Variants in PNPLA8 observed in about 807,000 individuals in gnomAD.
PNPLA8 encodes the protein calcium-independent phospholipase A2-gamma.
PNPLA8 carries 39 observed loss-of-function variants against 76.9 expected under a neutral mutation model. That is an observed-to-expected ratio of 0.51 (90% confidence interval 0.39 to 0.66). PNPLA8 has a LOEUF of 0.66. PNPLA8 is among the 30% of genes least tolerant of loss of function. PNPLA8 has a pLI of 0.00. For synonymous variants in PNPLA8, 301 were observed against 307.9 expected (o/e 0.98, Z 0.24); for missense variants, 887 against 918.0 (o/e 0.97, Z 0.44).
At chr7:108,497,398 G>A in intron 6 of PNPLA8, 85 bp downstream of exon 6, 1 of 902,374 alleles carries the variant, frequency 1.1e-6, no homozygotes, top group Non-Finnish European at 1.7e-6. Context: ...AGAAGGCAAA[G>A]GACTATGATC....
rs975005635 is a variant in PNPLA8 at position 108,510,294 on chromosome 7, G to A, written c.1206+3850C>T. 12 of 1,587,596 alleles carry A rather than the reference G, an allele frequency of 7.6e-6. No homozygotes were observed. The African/African-American group carries it at 8.0e-5, about 11-fold the overall frequency. ...GTGCCAGAAACCCTTAAGAAAAAGC[G>A]AAGGAATTTCTCAGAGCTGAAGATG... On this transcript the variant is annotated intron_variant, in intron 4 of 10. Transcript: ENST00000257694.
intron 1 of PNPLA8, among the ~76,000 whole-genome samples, chr7:108,525,616 G>A (rs78580637): frequency 6.6e-6 from 1 of 152,198 alleles, no homozygotes; most frequent in East Asian, 1.9e-4. Context: ...AGAATCACCA[G>A]GTGCACACTG....
intron 2 of PNPLA8, among the ~76,000 whole-genome samples, 192 bp from the exon 3 acceptor site, chr7:108,515,766 TAAAAAAA>T (rs1863295200): frequency 6.6e-6 from 1 of 152,052 alleles, no homozygotes; most frequent in African/African-American, 2.4e-5. Flanking sequence ...TAGAGGTAAA[TAAAAAAA>T]GAAAATGAGG....
At chr7:108,501,344 G>C (rs1861933742) in intron 5 of PNPLA8, among the ~76,000 whole-genome samples, 1 of 152,184 alleles carries the variant, frequency 6.6e-6, no homozygotes, top group Non-Finnish European at 1.5e-5. Flanking sequence ...ATTGCCAGTA[G>C]TAAAAATAGA....
At chr7:108,480,471 T>C (rs1860316147) in intron 9 of PNPLA8, among the ~76,000 whole-genome samples, 1 of 152,190 alleles carries the variant, frequency 6.6e-6, no homozygotes, top group African/African-American at 2.4e-5. Flanking sequence ...CTCCCATCCA[T>C]GCCAGTTAAC....
chr7:108,477,817 T>C (rs545787808), intron 10 of PNPLA8, among the ~76,000 whole-genome samples: 12 of 152,012 alleles, frequency 7.9e-5, no homozygotes, highest in Non-Finnish European at 1.5e-4. Context: ...TGAGCTATCA[T>C]TGTCACTGCG....
chr7:108,503,667 C>G (rs1332910650), intron 4 of PNPLA8, among the ~76,000 whole-genome samples: 2 of 152,152 alleles, frequency 1.3e-5, no homozygotes, highest in South Asian at 2.1e-4. Context: ...GCAACAAGAA[C>G]AGATGGAGCC....
At position 108,486,403 on chromosome 7, in the gene PNPLA8, A is replaced by G. The variant is rs80220571; in HGVS notation, c.1878+1356T>C. On this transcript the variant is annotated intron_variant, in intron 9 of 10. Transcript: ENST00000257694. The stretch of plus-strand genomic sequence containing the variant: ...AAAATAGTAAGCCACATATTAAAAT[A>G]AAAATTTTATTTTGACCAATAAGTC... 5.3e-3 allele frequency among the ~76,000 whole-genome samples: 809 copies of G among 152,276 alleles called. 6 individuals are homozygous for G. The highest frequency in any genetic ancestry group is 0.024 in the Admixed American group (370 of 15,302).
chr7:108,484,120 A>T (rs1860583331), intron 9 of PNPLA8, among the ~76,000 whole-genome samples: 2 of 152,204 alleles, frequency 1.3e-5, no homozygotes, highest in African/African-American at 4.8e-5. Flanking sequence ...ATAACTGCAA[A>T]ATCAATCCCA....
chr7:108,512,005 G>A (rs545781026), intron 4 of PNPLA8, among the ~76,000 whole-genome samples: 3 of 152,286 alleles, frequency 2.0e-5, no homozygotes, highest in African/African-American at 7.2e-5. Flanking sequence ...ATTGTGAGTA[G>A]AAGAAACCCG....
At chr7:108,500,231 T>G (rs1381125114) in intron 5 of PNPLA8, among the ~76,000 whole-genome samples, 1 of 152,212 alleles carries the variant, frequency 6.6e-6, no homozygotes, top group Non-Finnish European at 1.5e-5. Context: ...AGAGGATTCC[T>G]TCTGCTCCTT....
intron 4 of PNPLA8, among the ~76,000 whole-genome samples, chr7:108,503,094 C>T (rs527452633): frequency 1.3e-5 from 2 of 152,218 alleles, no homozygotes; most frequent in African/African-American, 2.4e-5. Flanking sequence ...AAGGTTGCCT[C>T]ATAAAAGAAT....
chr7:108,491,355 T>C (rs992828299), intron 8 of PNPLA8, 55 bp downstream of exon 8: 1 of 1,062,304 alleles, frequency 9.4e-7, no homozygotes, highest in Non-Finnish European at 1.5e-6. Flanking sequence ...GACAAGTGCT[T>C]TCACCAGACC....
At chr7:108,475,007 CATT>C (rs1198400795) in intron 10 of PNPLA8, among the ~76,000 whole-genome samples, 1 of 152,166 alleles carries the variant, frequency 6.6e-6, no homozygotes, top group East Asian at 1.9e-4. Flanking sequence ...CCATCGCTTG[CATT>C]ACTGCCTCAG....
chr7:108,509,049 G>A (rs999820517), intron 4 of PNPLA8, among the ~76,000 whole-genome samples: 2 of 117,240 alleles, frequency 1.7e-5, no homozygotes, highest in South Asian at 2.5e-4. Context: ...AGATTTAAAC[G>A]TTAGACCTAA....
chr7:108,526,568 C>T (rs1380569283), upstream of PNPLA8, among the ~76,000 whole-genome samples: 2 of 152,232 alleles, frequency 1.3e-5, no homozygotes, highest in Non-Finnish European at 2.9e-5. Context: ...CCTGCCTGCG[C>T]TGAGTTCCTT....
chr7:108,491,271 C>A, intron 8 of PNPLA8, 139 bp downstream of exon 8: 1 of 593,886 alleles, frequency 1.7e-6, no homozygotes, highest in South Asian at 2.2e-5. Flanking sequence ...CGTGCTATTG[C>A]ACTCCAGCCT....
chr7:108,475,865 G>A (rs1181637342), intron 10 of PNPLA8, among the ~76,000 whole-genome samples: 1 of 152,074 alleles, frequency 6.6e-6, no homozygotes, highest in Non-Finnish European at 1.5e-5. Context: ...TCATTGTTTT[G>A]TCTACTTTTC....
chr7:108,504,410 A>G (rs759465692), intron 4 of PNPLA8, among the ~76,000 whole-genome samples: 3 of 134,990 alleles, frequency 2.2e-5, no homozygotes, highest in Non-Finnish European at 3.3e-5. Context: ...GTTAAATAAA[A>G]TCATTCCAAT....
Sources: allele counts gnomAD v4.1 joint callset (sites outside exome capture counted in the v4.1 genomes callset), GRCh38; gene constraint gnomAD v4.1.1; transcripts MANE v1.5; gene names NCBI Gene and HGNC (gene_info 2026-07-23, HGNC 2026-07-21).